RCAN2: variants seen among roughly 807,000 people sequenced by gnomAD.
RCAN2 encodes the protein regulator of calcineurin 2.
A neutral mutation model predicts 23.6 loss-of-function variants in RCAN2; 9 were observed. That is an observed-to-expected ratio of 0.38 (90% confidence interval 0.23 to 0.67). RCAN2 has a LOEUF of 0.67. Ranked by LOEUF, RCAN2 falls within the 30% of genes least tolerant of loss-of-function variation. The pLI, the probability that RCAN2 is intolerant of heterozygous loss-of-function variation, is 0.51. For synonymous variants in RCAN2, 109 were observed against 115.7 expected (o/e 0.94, Z 0.37); for missense variants, 273 against 302.3 (o/e 0.90, Z 0.72).
intron 2 of RCAN2, among the ~76,000 whole-genome samples, chr6:46,443,547 C>T (rs1767615640): frequency 6.6e-6 from 1 of 151,980 alleles, no homozygotes; most frequent in African/African-American, 2.4e-5. Context: ...CCCTTTTCTT[C>T]TCCTTGATGT....
intron 2 of RCAN2, among the ~76,000 whole-genome samples, chr6:46,271,646 A>G (rs1048771556): frequency 6.6e-6 from 1 of 152,216 alleles, no homozygotes; most frequent in African/African-American, 2.4e-5. Flanking sequence ...AGATTATCAT[A>G]AAAATTAGAT....
rs144965547 is a variant in RCAN2, at chr6:46,298,961, A to G, written c.226-50065T>C. ...AATGAAATCATGTCTTTGCTGCAAC[A>G]TGGATGCAGCCAGAGGCCATTATCT... On this transcript the variant is annotated intron_variant, in intron 2 of 4. Transcript: ENST00000371374. 5.7e-3 allele frequency among the ~76,000 whole-genome samples: 872 copies of G among 152,214 alleles called. 5 individuals carry two copies. The highest frequency in any genetic ancestry group is 0.019 in the African/African-American group (800 of 41,546).
intron 2 of RCAN2, among the ~76,000 whole-genome samples, chr6:46,444,999 G>A (rs1440812101): frequency 2.0e-5 from 3 of 152,164 alleles, no homozygotes; most frequent in Non-Finnish European, 4.4e-5. Context: ...CCGGGCTCCA[G>A]TTGACACAGG....
At chr6:46,428,308 C>CA (rs199791453) in intron 2 of RCAN2, among the ~76,000 whole-genome samples, 144 of 150,416 alleles carry the variant, frequency 9.6e-4, no homozygotes, top group Non-Finnish European at 1.5e-3. Context: ...AGAATGATGC[C>CA]AAAAAAAAAG....
chr6:46,383,734 C>G (rs1002112239), intron 2 of RCAN2, among the ~76,000 whole-genome samples: 1 of 152,190 alleles, frequency 6.6e-6, no homozygotes, highest in Non-Finnish European at 1.5e-5. Flanking sequence ...ACTGGCCAAT[C>G]TTACCGGATG....
intron 2 of RCAN2, among the ~76,000 whole-genome samples, chr6:46,370,960 G>A (rs1021651555): frequency 6.6e-6 from 1 of 152,176 alleles, no homozygotes; most frequent in Non-Finnish European, 1.5e-5. Flanking sequence ...AGCTTCTGGG[G>A]ATTTAACTCA....
At chr6:46,305,617 ACAC>A (rs1452164480) in intron 2 of RCAN2, among the ~76,000 whole-genome samples, 1 of 152,070 alleles carries the variant, frequency 6.6e-6, no homozygotes, top group Non-Finnish European at 1.5e-5. Flanking sequence ...AGAAAGACTC[ACAC>A]CTTTACTAGA....
At chr6:46,384,133 G>A (rs559430103) in intron 2 of RCAN2, among the ~76,000 whole-genome samples, 2 of 152,306 alleles carry the variant, frequency 1.3e-5, no homozygotes, top group East Asian at 3.9e-4. Flanking sequence ...TCACTGCTGG[G>A]CTCTGGGAAC....
chr6:46,282,147 C>T (rs575261599), intron 2 of RCAN2, among the ~76,000 whole-genome samples: 4 of 152,172 alleles, frequency 2.6e-5, no homozygotes, highest in Non-Finnish European at 5.9e-5. Context: ...ACAACTACTT[C>T]GCATTTCCCC....
intron 4 of RCAN2, among the ~76,000 whole-genome samples, chr6:46,239,343 C>T (rs1302342978): frequency 6.6e-6 from 1 of 152,172 alleles, no homozygotes; most frequent in East Asian, 1.9e-4. Context: ...GAATTCAGTC[C>T]TTTGTAACCT....
At chr6:46,251,404 G>C (rs1766711809) in intron 2 of RCAN2, among the ~76,000 whole-genome samples, 1 of 152,192 alleles carries the variant, frequency 6.6e-6, no homozygotes, top group African/African-American at 2.4e-5. Context: ...AGGAATAGGA[G>C]AATTAAGAGA....
At chr6:46,331,517 T>C (rs999873712) in intron 2 of RCAN2, among the ~76,000 whole-genome samples, 1 of 152,236 alleles carries the variant, frequency 6.6e-6, no homozygotes, top group African/African-American at 2.4e-5. Context: ...TTAATCAGGT[T>C]GGTTCCTGAG....
chr6:46,452,215 C>A (rs905768777), intron 2 of RCAN2, among the ~76,000 whole-genome samples: 1 of 152,118 alleles, frequency 6.6e-6, no homozygotes, highest in Non-Finnish European at 1.5e-5. Flanking sequence ...AGATTTGAAT[C>A]CTGCCTTGGC....
chr6:46,462,249 G>T (rs935679932), intron 1 of RCAN2, among the ~76,000 whole-genome samples: 1 of 152,094 alleles, frequency 6.6e-6, no homozygotes, highest in Non-Finnish European at 1.5e-5. Flanking sequence ...TAAGGCAAAA[G>T]AAATTAATTA....
chr6:46,326,768 G>C lies in RCAN2; in HGVS notation c.226-77872C>G, dbSNP rs141729055. Among the ~76,000 whole-genome samples the C allele has an allele frequency of 1.3e-5, 2 of 152,324 alleles. 1 individual carries two copies. The highest frequency in any genetic ancestry group is 3.9e-4 in the East Asian group (2 of 5,184). On this transcript the variant is annotated intron_variant, in intron 2 of 4. Transcript: ENST00000371374. Reference sequence around the variant, plus strand: ...ACAGATTGGTACTTTTCTAACATATGACTGGACAAAAGCCTCCCAATTTTA... The same window carrying C: ...ACAGATTGGTACTTTTCTAACATATCACTGGACAAAAGCCTCCCAATTTTA...
chr6:46,464,089 T>C (rs1195007325), intron 1 of RCAN2, among the ~76,000 whole-genome samples: 1 of 152,214 alleles, frequency 6.6e-6, no homozygotes, highest in Non-Finnish European at 1.5e-5. Context: ...ATGGGAGATT[T>C]GTTAGTTTAC....
At chr6:46,275,273 T>C (rs1275463043) in intron 2 of RCAN2, among the ~76,000 whole-genome samples, 1 of 152,110 alleles carries the variant, frequency 6.6e-6, no homozygotes, top group Non-Finnish European at 1.5e-5. Flanking sequence ...GTGGCTAAGA[T>C]TATATTCTTA....
At chr6:46,246,160 G>T (rs1447584961) in intron 4 of RCAN2, among the ~76,000 whole-genome samples, 1 of 152,212 alleles carries the variant, frequency 6.6e-6, no homozygotes, top group East Asian at 1.9e-4. Context: ...TGTGGTGGTA[G>T]ATTCATATTT....
At chr6:46,423,152 G>A (rs1766930412) in intron 2 of RCAN2, among the ~76,000 whole-genome samples, 1 of 152,102 alleles carries the variant, frequency 6.6e-6, no homozygotes, top group South Asian at 2.1e-4. Context: ...TTTTATTCCA[G>A]GAAGTCCTAG....
Sources: allele counts gnomAD v4.1 joint callset (sites outside exome capture counted in the v4.1 genomes callset), GRCh38; gene constraint gnomAD v4.1.1; transcripts MANE v1.5; gene names NCBI Gene and HGNC (gene_info 2026-07-23, HGNC 2026-07-21).